CAST: variants seen among roughly 807,000 people sequenced by gnomAD.
CAST encodes MIR583 host.
A neutral mutation model predicts 119.6 loss-of-function variants in CAST; 76 were observed. That is an observed-to-expected ratio of 0.64 (90% CI 0.53 to 0.77). The LOEUF is 0.77. CAST is among the 30% of genes least tolerant of loss of function. CAST has a pLI of 0.00. For missense variants in CAST, 953 were observed against 946.5 expected (o/e 1.01, Z -0.09); for synonymous variants, 319 against 331.6 (o/e 0.96, Z 0.41).
the CAST span, chr5:96,398,811 C>G: frequency 8.2e-7 from 1 of 1,214,360 alleles, no homozygotes; most frequent in Non-Finnish European, 1.2e-6. Flanking sequence ...TAAACAAAAG[C>G]AATCAGTTAT....
intron 7 of CAST, 106 bp from the exon 8 acceptor site, chr5:96,729,506 G>A (rs893051868): frequency 1.5e-6 from 1 of 656,258 alleles, no homozygotes; most frequent in Non-Finnish European, 2.8e-6. Flanking sequence ...CAACTGTTAT[G>A]AACAATTTTT....
chr5:95,989,385 C>T, the CAST span, among the ~76,000 whole-genome samples: 2 of 152,058 alleles, frequency 1.3e-5, no homozygotes, highest in Non-Finnish European at 2.9e-5. Flanking sequence ...GTGTGACATG[C>T]CTAAAGGACC....
At chr5:96,453,135 TG>T in the CAST span, among the ~76,000 whole-genome samples, 2 of 152,092 alleles carry the variant, frequency 1.3e-5, no homozygotes, top group Non-Finnish European at 2.9e-5. Flanking sequence ...ACCTGCAAGG[TG>T]TGATGAAAAG....
chr5:95,969,916 G>T, the CAST span, among the ~76,000 whole-genome samples: 1 of 152,110 alleles, frequency 6.6e-6, no homozygotes, highest in Non-Finnish European at 1.5e-5. Flanking sequence ...GAAGAAAGAG[G>T]ATGAGAAAAA....
At chr5:96,636,765 A>G (rs1279078391) in intron 1 of CAST, among the ~76,000 whole-genome samples, 1 of 152,148 alleles carries the variant, frequency 6.6e-6, no homozygotes, top group Non-Finnish European at 1.5e-5. Flanking sequence ...TGGTGGGGGA[A>G]AGGGCTCAGA....
At chr5:96,729,083 CTTG>C in intron 6 of CAST, 67 bp from the exon 7 acceptor site, 2 of 981,036 alleles carry the variant, frequency 2.0e-6, no homozygotes, top group Non-Finnish European at 3.2e-6. Flanking sequence ...GAATTTTGTT[CTTG>C]TTCTTGTTTG....
the CAST span, among the ~76,000 whole-genome samples, chr5:95,992,833 A>T: frequency 1.3e-5 from 2 of 152,200 alleles, no homozygotes; most frequent in African/African-American, 4.8e-5. Context: ...ATCTAAAATT[A>T]TTCCAAAATA....
upstream of CAST, among the ~76,000 whole-genome samples, chr5:96,523,759 G>A (rs1745555072): frequency 6.6e-6 from 1 of 152,080 alleles, no homozygotes; most frequent in African/African-American, 2.4e-5. Flanking sequence ...TTGGAGCCGT[G>A]GGCACTGTAA....
chr5:96,515,296 C>CCAATATTGGGGA, the CAST span, among the ~76,000 whole-genome samples: 1,016 of 143,092 alleles, frequency 7.1e-3, 15 homozygotes, highest in African/African-American at 0.024. Context: ...ATATTGTTCC[C>CCAATATTGGGGA]ACAATGTTTG....
chr5:96,208,143 A>G, the CAST span, among the ~76,000 whole-genome samples: 242 of 130,228 alleles, frequency 1.9e-3, no homozygotes, highest in Admixed American at 3.8e-3. Flanking sequence ...TTTTTTCTGT[A>G]TTTCTGTGGG....
the CAST span, among the ~76,000 whole-genome samples, chr5:96,487,281 T>C: frequency 6.6e-6 from 1 of 152,200 alleles, no homozygotes; most frequent in Admixed American, 6.5e-5. Context: ...TAATGGGTAA[T>C]ATTTCCAAGA....
chr5:96,423,478 GA>G, the CAST span: 1 of 1,612,708 alleles, frequency 6.2e-7, no homozygotes, highest in South Asian at 1.1e-5. Flanking sequence ...GAAAAACAAC[GA>G]AGCATTGATA....
chr5:96,561,784 A>T (rs1367992518), intron 1 of CAST, among the ~76,000 whole-genome samples: 4 of 37,626 alleles, frequency 1.1e-4, no homozygotes, highest in East Asian at 7.4e-3. Context: ...TATTATATAT[A>T]TGTTTTTTTT....
chr5:96,109,944 GA>G, the CAST span, among the ~76,000 whole-genome samples: 36 of 148,272 alleles, frequency 2.4e-4, no homozygotes, highest in South Asian at 1.1e-3. Flanking sequence ...AAAAAAAAAA[GA>G]AAAAAAATAA....
chr5:96,045,711 A>T, the CAST span, among the ~76,000 whole-genome samples: 2 of 152,226 alleles, frequency 1.3e-5, no homozygotes, highest in Non-Finnish European at 2.9e-5. Context: ...GTTGAGAATT[A>T]CCTGCTGAAG....
intron 1 of CAST, among the ~76,000 whole-genome samples, chr5:96,570,236 C>T (rs956798324): frequency 6.6e-6 from 1 of 152,128 alleles, no homozygotes; most frequent in Non-Finnish European, 1.5e-5. Flanking sequence ...AGAGTAGGCA[C>T]TCAAAAAGAT....
chr5:96,662,328 CCTCCCTCCCTCT>C, upstream of CAST: 1 of 751,170 alleles, frequency 1.3e-6, no homozygotes, highest in South Asian at 2.5e-5. Context: ...CCGCTCCCTC[CCTCCCTCCCTCT>C]CTCCCTGGCA....
the CAST span, among the ~76,000 whole-genome samples, chr5:96,399,454 A>G: frequency 6.6e-6 from 1 of 152,162 alleles, no homozygotes; most frequent in Non-Finnish European, 1.5e-5. Flanking sequence ...CTTCTGTGAC[A>G]AGATGTGGTG....
intron 4 of CAST, among the ~76,000 whole-genome samples, chr5:96,723,511 G>A (rs1335402217): frequency 1.3e-5 from 2 of 152,036 alleles, no homozygotes; most frequent in Non-Finnish European, 2.9e-5. Context: ...GTCTTGTGGG[G>A]TACCATTTTA....
Sources: allele counts gnomAD v4.1 joint callset (sites outside exome capture counted in the v4.1 genomes callset), GRCh38; gene constraint gnomAD v4.1.1; transcripts MANE v1.5; gene names NCBI Gene and HGNC (gene_info 2026-07-23, HGNC 2026-07-21).